The following RIPOR2 variants were observed in gnomAD, a reference collection of about 807,000 sequenced individuals.
RIPOR2 encodes the protein RHO family interacting cell polarization regulator 2, also known as rho family-interacting cell polarization regulator 2.
Under a neutral mutation model 114.5 loss-of-function variants are expected in RIPOR2, and 39 were observed. The ratio of observed to expected loss-of-function variants is 0.34; its 90% CI spans 0.26 to 0.44. RIPOR2 has a LOEUF of 0.44. RIPOR2 is among the 20% of genes least tolerant of loss of function. RIPOR2 has a pLI of 1.00. For synonymous variants in RIPOR2, 445 were observed against 484.4 expected (o/e 0.92, Z 1.07); for missense variants, 1,007 against 1,255.1 (o/e 0.80, Z 2.99).
intron 1 of RIPOR2, among the ~76,000 whole-genome samples, chr6:25,038,191 C>T (rs186972751): frequency 2.0e-5 from 3 of 152,180 alleles, no homozygotes; most frequent in African/African-American, 7.2e-5. Flanking sequence ...AAACAAAAAA[C>T]CTAAAGCTTT....
intron 7 of RIPOR2, among the ~76,000 whole-genome samples, 170 bp from the exon 8 acceptor site, chr6:24,861,206 G>A (rs1764039708): frequency 6.6e-6 from 1 of 152,160 alleles, no homozygotes; most frequent in Non-Finnish European, 1.5e-5. Flanking sequence ...TTTGATCTGA[G>A]TCTAAGCCCA....
chr6:25,032,877 C>G (rs139884231), intron 1 of RIPOR2, among the ~76,000 whole-genome samples: 422 of 152,164 alleles, frequency 2.8e-3, no homozygotes, highest in African/African-American at 9.5e-3. Flanking sequence ...AAAAGGTACC[C>G]AAGTTATGTT....
chr6:24,954,182 C>T (rs185513014), intron 1 of RIPOR2, among the ~76,000 whole-genome samples: 4 of 152,352 alleles, frequency 2.6e-5, no homozygotes, highest in Non-Finnish European at 5.9e-5. Context: ...TCAACAGAAG[C>T]ACCTGAGGAT....
chr6:25,023,728 G>T lies in RIPOR2; in HGVS notation c.76+18123C>A. On this transcript the variant is annotated intron_variant, in intron 1 of 13. Transcript: ENST00000510784. ...CCACACCGTGTTTGTCCGCGACTTC[G>T]TTCAGGTACATGAAGAACTCCAAGG... 3.8e-6 allele frequency: 3 copies of T among 785,060 alleles called. No homozygotes were observed. The South Asian group carries it at 4.0e-5, about 10-fold the overall frequency. 48.6% of individuals were successfully genotyped at this position (785,060 alleles called of 1,614,324 possible). A position where few individuals can be genotyped will look rare whatever the true frequency, so the allele number is the denominator to read the frequency against.
At chr6:24,901,808 A>G (rs1561751863) in intron 1 of RIPOR2, among the ~76,000 whole-genome samples, 1 of 152,196 alleles carries the variant, frequency 6.6e-6, no homozygotes, top group African/African-American at 2.4e-5. Context: ...GCGCCCAGTG[A>G]GGAGTCAGAA....
chr6:24,986,211 A>G (rs192401858), intron 1 of RIPOR2, among the ~76,000 whole-genome samples: 2 of 152,314 alleles, frequency 1.3e-5, no homozygotes, highest in Admixed American at 1.3e-4. Context: ...GATAGGTATT[A>G]TTATTATAAT....
chr6:25,023,852 C>T, intron 1 of RIPOR2: 2 of 732,784 alleles, frequency 2.7e-6, no homozygotes, highest in Non-Finnish European at 2.5e-6. Flanking sequence ...GGGGCTTTGA[C>T]CGGTTCCTAG....
intron 1 of RIPOR2, among the ~76,000 whole-genome samples, chr6:25,020,879 C>A (rs1032305532): frequency 1.3e-5 from 2 of 151,918 alleles, no homozygotes; most frequent in African/African-American, 4.8e-5. Flanking sequence ...TTTTTTTAGA[C>A]GGAGTCTCTC....
intron 1 of RIPOR2, among the ~76,000 whole-genome samples, chr6:24,929,947 A>T (rs1207854098): frequency 2.6e-5 from 4 of 152,166 alleles, no homozygotes; most frequent in Non-Finnish European, 5.9e-5. Context: ...ATGGTGGTGC[A>T]CACCTGTAGT....
chr6:24,879,470 T>C (rs1295339955), intron 1 of RIPOR2, among the ~76,000 whole-genome samples: 1 of 152,222 alleles, frequency 6.6e-6, no homozygotes, highest in Non-Finnish European at 1.5e-5. Flanking sequence ...TCATTATCTA[T>C]CAAGAAAGAA....
intron 4 of RIPOR2, among the ~76,000 whole-genome samples, chr6:24,871,593 C>G (rs1340010542): frequency 6.6e-6 from 1 of 152,166 alleles, no homozygotes; most frequent in African/African-American, 2.4e-5. Flanking sequence ...CTTGGGTGAT[C>G]CACCCGCCTC....
intron 1 of RIPOR2, among the ~76,000 whole-genome samples, chr6:24,904,843 C>A (rs1438884947): frequency 1.3e-5 from 2 of 152,190 alleles, no homozygotes; most frequent in Non-Finnish European, 2.9e-5. Flanking sequence ...GGTGTGATCC[C>A]TGCTTACTGC....
intron 1 of RIPOR2, among the ~76,000 whole-genome samples, chr6:24,941,994 T>C (rs414243): frequency 0.74 from 112,827 of 151,952 alleles, 42,475 homozygotes; most frequent in African/African-American, 0.87. Flanking sequence ...TTACAATCCT[T>C]CCTCCCAGAA....
chr6:24,946,083 T>C (rs1228636748), intron 1 of RIPOR2, among the ~76,000 whole-genome samples: 1 of 84,196 alleles, frequency 1.2e-5, no homozygotes, highest in African/African-American at 5.3e-5. Context: ...TATTTATTTT[T>C]AATTAATTTT....
At chr6:24,986,124 G>C (rs1774520525) in intron 1 of RIPOR2, among the ~76,000 whole-genome samples, 1 of 152,160 alleles carries the variant, frequency 6.6e-6, no homozygotes, top group African/African-American at 2.4e-5. Flanking sequence ...ATTTTCCTGA[G>C]TGTTTACTAC....
At chr6:24,854,124 G>GAAAAAAAAAAAAAAA (rs56203816) in intron 8 of RIPOR2, among the ~76,000 whole-genome samples, 2 of 86,434 alleles carry the variant, frequency 2.3e-5, no homozygotes, top group Admixed American at 1.3e-4. Flanking sequence ...GTCTGAAAAA[G>GAAAAAAAAAAAAAAA]AAAAAAAAAA....
intron 1 of RIPOR2, among the ~76,000 whole-genome samples, chr6:24,924,682 C>T (rs1770735916): frequency 6.6e-6 from 1 of 151,858 alleles, no homozygotes; most frequent in Non-Finnish European, 1.5e-5. Flanking sequence ...AAGTCCCTTC[C>T]TACATGGGGC....
At chr6:24,839,551 A>G in intron 13 of RIPOR2, 1 of 1,423,942 alleles carries the variant, frequency 7.0e-7, no homozygotes, top group Non-Finnish European at 9.6e-7. Context: ...ATCACTGAGG[A>G]GGTTGAGGGA....
chr6:24,852,674 C>T, intron 8 of RIPOR2, 56 bp from the exon 9 acceptor site: 1 of 1,247,466 alleles, frequency 8.0e-7, no homozygotes, highest in Non-Finnish European at 1.1e-6. Flanking sequence ...TCTCTATAGA[C>T]ACATACTGGC....
Sources: gnomAD v4.1 joint callset for allele counts (sites outside exome capture counted in the v4.1 genomes callset) on GRCh38, gnomAD v4.1.1 for gene constraint, MANE v1.5 for transcripts, NCBI Gene and HGNC (gene_info 2026-07-23, HGNC 2026-07-21) for gene names.